Variants in ZCCHC17 observed in about 807,000 individuals in gnomAD.
ZCCHC17 encodes zinc finger CCHC-type containing 17, also known as zinc finger CCHC domain-containing protein 17.
A neutral mutation model predicts 30.6 loss-of-function variants in ZCCHC17; 18 were observed. That is an observed-to-expected ratio of 0.59 (90% CI 0.41 to 0.87). The LOEUF (loss-of-function observed/expected upper bound fraction) is 0.87. Ranked by LOEUF, ZCCHC17 falls within the 40% of genes least tolerant of loss-of-function variation. The pLI, the probability that ZCCHC17 is intolerant of heterozygous loss-of-function variation, is 0.00. For missense variants in ZCCHC17, 263 were observed against 284.2 expected (o/e 0.93, Z 0.54); for synonymous variants, 88 against 92.4 (o/e 0.95, Z 0.27).
At chr1:31,334,331 CTCTCTCTGTGTGTGTGTG>C (rs1291420491) in intron 3 of ZCCHC17, among the ~76,000 whole-genome samples, 9 of 61,224 alleles carry the variant, frequency 1.5e-4, no homozygotes, top group Middle Eastern at 6.6e-3. Flanking sequence ...CTCTCTCTCT[CTCTCTCTGTGTGTGTGTG>C]TGTGTGTGTG....
intron 3 of ZCCHC17, among the ~76,000 whole-genome samples, chr1:31,327,187 G>C (rs1412664282): frequency 6.6e-6 from 1 of 152,066 alleles, no homozygotes; most frequent in Non-Finnish European, 1.5e-5. Flanking sequence ...ACACCAACTG[G>C]GTGTCCAGTG....
Position 31,361,686 on chromosome 1 carries a change from G to A in ZCCHC17, c.565-2346G>A, listed in dbSNP as rs61780110. Among the ~76,000 whole-genome samples, 1,368 of 152,308 alleles carry A rather than the reference G, an allele frequency of 9.0e-3. 7 individuals carry two copies. Among genetic ancestry groups the A allele is most frequent in the Middle Eastern group, 0.041 (12 of 294 alleles). ...TGATCTACATGAAGATCCCAACTGCGCCTATGCGATCTGGGACAAGTGGCT... is the reference window on the plus strand; with the variant it reads ...TGATCTACATGAAGATCCCAACTGCACCTATGCGATCTGGGACAAGTGGCT... On this transcript the variant is annotated intron_variant, in intron 7 of 7. Transcript: ENST00000344147.
intron 4 of ZCCHC17, among the ~76,000 whole-genome samples, chr1:31,337,701 C>G (rs921088045): frequency 3.3e-5 from 5 of 152,084 alleles, no homozygotes; most frequent in African/African-American, 1.2e-4. Context: ...TATCTGGCAC[C>G]ATGCAATGTG....
intron 5 of ZCCHC17, 155 bp from the exon 6 acceptor site, chr1:31,346,485 T>A (rs749097898): frequency 6.2e-5 from 44 of 714,708 alleles, no homozygotes; most frequent in Non-Finnish European, 9.0e-5. Context: ...CTATTTCACA[T>A]CATTGCATTT....
chr1:31,299,190 C>T (rs1048226752), intron 1 of ZCCHC17, among the ~76,000 whole-genome samples: 4 of 152,050 alleles, frequency 2.6e-5, no homozygotes, highest in Non-Finnish European at 5.9e-5. Flanking sequence ...AGAGGATGTG[C>T]TAACCGATGG....
chr1:31,313,660 C>G (rs892387460), intron 2 of ZCCHC17, among the ~76,000 whole-genome samples: 4 of 152,072 alleles, frequency 2.6e-5, no homozygotes, highest in Non-Finnish European at 5.9e-5. Context: ...CTCATGGTAT[C>G]CCCAAAGGTT....
In ZCCHC17 at chr1:31,337,221, C is replaced by G; in HGVS notation, c.171C>G (p.Pro57=). The G allele has an allele frequency of 1.2e-6, 2 of 1,614,046 alleles. No homozygotes were observed. Among genetic ancestry groups the G allele is most frequent in the Non-Finnish European group, 1.7e-6 (2 of 1,180,010 alleles). Residue 57 remains proline, a synonymous_variant, in exon 4 of 8, where the codon CCC becomes CCG. Coordinates refer to ENST00000344147, the MANE Select transcript of ZCCHC17 (RefSeq NM_016505.4). ...THMSSCRVDK[P]SEIVDVGDKV... The stretch of plus-strand genomic sequence containing the variant: ...TGTCATCCTGTCGGGTGGATAAGCC[C>G]TCTGAGATAGTAGATGTTGGAGATA...
intron 1 of ZCCHC17, among the ~76,000 whole-genome samples, chr1:31,304,401 A>G (rs1051907576): frequency 6.6e-6 from 1 of 151,446 alleles, no homozygotes; most frequent in Non-Finnish European, 1.5e-5. Context: ...CTCCTGTCTC[A>G]GTCTCCCGAG....
At chr1:31,329,460 C>T (rs566942465) in intron 3 of ZCCHC17, among the ~76,000 whole-genome samples, 1 of 152,200 alleles carries the variant, frequency 6.6e-6, no homozygotes, top group East Asian at 1.9e-4. Context: ...GATAGAAGCT[C>T]AAATATATTT....
intron 5 of ZCCHC17, among the ~76,000 whole-genome samples, chr1:31,341,449 C>T (rs1395754920): frequency 1.3e-5 from 2 of 152,062 alleles, no homozygotes; most frequent in Non-Finnish European, 2.9e-5. Flanking sequence ...AAATATAAAA[C>T]ATGTAAGATA....
At chr1:31,297,153 C>A in intron 1 of ZCCHC17, 78 bp downstream of exon 1, 1 of 402,796 alleles carries the variant, frequency 2.5e-6, no homozygotes, top group Non-Finnish European at 4.4e-6. Flanking sequence ...TGAACCTGCC[C>A]TTCTCAGCTG....
rs551176687 is a variant in ZCCHC17, at chr1:31,362,395, A to T, written c.565-1637A>T. Among the ~76,000 whole-genome samples the T allele has an allele frequency of 1.3e-3, 203 of 152,292 alleles. 3 individuals carry two copies. The highest frequency in any genetic ancestry group is 3.3e-3 in the South Asian group (16 of 4,826). ...CTTTCTCCCTCTTCTTAGAAACCTT[A>T]CAGAGGCAATATAGGTATTTGAAAT... is the stretch of plus-strand genomic sequence containing the variant. On this transcript the variant is annotated intron_variant, in intron 7 of 7. Coordinates refer to ENST00000344147, the MANE Select transcript of ZCCHC17 (RefSeq NM_016505.4).
At chr1:31,311,704 G>A (rs1025152260) in intron 2 of ZCCHC17, among the ~76,000 whole-genome samples, 1 of 152,198 alleles carries the variant, frequency 6.6e-6, no homozygotes, top group Admixed American at 6.5e-5. Flanking sequence ...CCTTTTATGA[G>A]GCACTCATCC....
intron 3 of ZCCHC17, among the ~76,000 whole-genome samples, chr1:31,322,149 C>G (rs1646875773): frequency 6.6e-6 from 1 of 152,174 alleles, no homozygotes; most frequent in African/African-American, 2.4e-5. Flanking sequence ...GATGTTTTTC[C>G]CTACACCAAC....
chr1:31,319,841 T>A (rs1206574681), intron 3 of ZCCHC17, among the ~76,000 whole-genome samples: 2 of 152,228 alleles, frequency 1.3e-5, no homozygotes, highest in East Asian at 3.9e-4. Flanking sequence ...CTTCTTATGC[T>A]AAAATAAGGT....
chr1:31,352,889 T>C (rs904293606), intron 7 of ZCCHC17, among the ~76,000 whole-genome samples: 1 of 152,242 alleles, frequency 6.6e-6, no homozygotes, highest in African/African-American at 2.4e-5. Context: ...TTCTTTCTTT[T>C]TGGTATATAC....
At chr1:31,330,042 G>T (rs966080027) in intron 3 of ZCCHC17, among the ~76,000 whole-genome samples, 4 of 152,222 alleles carry the variant, frequency 2.6e-5, no homozygotes, top group African/African-American at 9.6e-5. Context: ...ATTGGGAGAT[G>T]AATTGACTTA....
intron 1 of ZCCHC17, among the ~76,000 whole-genome samples, chr1:31,297,635 A>C (rs1247296038): frequency 6.6e-6 from 1 of 152,144 alleles, no homozygotes; most frequent in Non-Finnish European, 1.5e-5. Flanking sequence ...CAGGGCGTTT[A>C]ACTCTGGTGG....
At chr1:31,358,196 C>A (rs1442023059) in intron 7 of ZCCHC17, among the ~76,000 whole-genome samples, 1 of 149,568 alleles carries the variant, frequency 6.7e-6, no homozygotes, top group Non-Finnish European at 1.5e-5. Flanking sequence ...GATTAAAGAA[C>A]ATTAAGGACG....
Sources: gnomAD v4.1 joint callset for allele counts (sites outside exome capture counted in the v4.1 genomes callset) on GRCh38, gnomAD v4.1.1 for gene constraint, MANE v1.5 for transcripts, NCBI Gene and HGNC (gene_info 2026-07-23, HGNC 2026-07-21) for gene names.